The following ELAPOR2 variants were observed in gnomAD, a reference collection of about 807,000 sequenced individuals.
ELAPOR2 encodes endosome-lysosome associated apoptosis and autophagy regulator family member 2.
ELAPOR2 carries 89 observed loss-of-function variants against 120.7 expected under a neutral mutation model. The observed-to-expected ratio is 0.74, with a 90% CI of 0.62 to 0.88. The LOEUF is 0.88. Among genes scored for constraint, ELAPOR2 ranks in the 40% least tolerant of loss-of-function variants. The pLI, the probability that ELAPOR2 is intolerant of heterozygous loss-of-function variation, is 0.00. For missense variants in ELAPOR2, 1,134 were observed against 1,251.6 expected (o/e 0.91, Z 1.42); for synonymous variants, 444 against 444.9 (o/e 1.00, Z 0.03).
intron 1 of ELAPOR2, among the ~76,000 whole-genome samples, chr7:86,990,933 G>A (rs1792923788): frequency 2.6e-5 from 4 of 152,164 alleles, no homozygotes; most frequent in Admixed American, 2.6e-4. Context: ...CACAAAGCTT[G>A]GAAAGCAGGT....
At chr7:87,026,627 C>T (rs969949871) in intron 1 of ELAPOR2, among the ~76,000 whole-genome samples, 5 of 151,738 alleles carry the variant, frequency 3.3e-5, no homozygotes, top group African/African-American at 7.3e-5. Flanking sequence ...TGTATTCTGC[C>T]GTAAGCCTAT....
In ELAPOR2 at chr7:86,897,630, T is replaced by G; in HGVS notation, c.2561A>C (p.Lys854Thr). The G allele has an allele frequency of 6.2e-7, 1 of 1,612,874 alleles. No homozygotes were observed. ...SGAGVISVPSKCPAGTCDGCT... is the reference protein window; with the variant it reads ...SGAGVISVPSTCPAGTCDGCT... ...CCCATCACAGGTACCTGCTGGGCAC[T>G]TGCTAAAATCATAAACAAAACCAAA... Residue 854 changes from lysine to threonine, a missense_variant and splice_region_variant, in exon 19 of 22, where the codon AAG becomes ACG. Around this residue, in one of 3 missense-constraint regions of ELAPOR2, gnomAD observed 831 missense variants for 867.6 expected, o/e 0.96. Coordinates refer to ENST00000450689, the MANE Select transcript of ELAPOR2 (RefSeq NM_001142749.3).
intron 8 of ELAPOR2, among the ~76,000 whole-genome samples, chr7:86,933,111 ATG>A (rs1192428297): frequency 1.1e-4 from 16 of 151,654 alleles, no homozygotes; most frequent in African/African-American, 3.6e-4. Context: ...TATGGCAAAT[ATG>A]TATATAAATA....
In ELAPOR2 at chr7:87,020,844, A is replaced by G. The variant is rs1197212383; in HGVS notation, c.189+38481T>C. On this transcript the variant is annotated intron_variant, in intron 1 of 21. Transcript: ENST00000450689. ...GTCATCACATTCCTCTTTAAAATTT[A>G]CCAAATCATTTCAATCGCTTGAGAC... is the stretch of plus-strand genomic sequence containing the variant. Among the ~76,000 whole-genome samples the G allele has an allele frequency of 2.0e-5, 3 of 152,258 alleles. No individual in the cohort carries two copies. The East Asian group carries it at 5.8e-4, about 29-fold the overall frequency.
intron 10 of ELAPOR2, 96 bp from the exon 11 acceptor site, chr7:86,919,406 G>T: frequency 1.4e-6 from 1 of 689,672 alleles, no homozygotes; most frequent in Non-Finnish European, 2.3e-6. Flanking sequence ...AAGCATTAGT[G>T]TTTCTGTTCA....
intron 1 of ELAPOR2, among the ~76,000 whole-genome samples, chr7:87,031,835 A>T (rs904878229): frequency 7.2e-5 from 11 of 152,288 alleles, no homozygotes; most frequent in African/African-American, 2.4e-4. Context: ...CATATAGTAG[A>T]CTACTACTCA....
intron 9 of ELAPOR2, among the ~76,000 whole-genome samples, chr7:86,926,145 A>T (rs976050108): frequency 6.6e-6 from 1 of 152,004 alleles, no homozygotes; most frequent in Non-Finnish European, 1.5e-5. Context: ...TATGTTGAGA[A>T]TGGTTGGGTG....
At chr7:86,943,742 A>C (rs1313647255) in intron 4 of ELAPOR2, among the ~76,000 whole-genome samples, 1 of 152,040 alleles carries the variant, frequency 6.6e-6, no homozygotes, top group African/African-American at 2.4e-5. Context: ...GTATCCAATG[A>C]AACAGGGAAT....
chr7:86,911,927 G>T, intron 15 of ELAPOR2, 145 bp downstream of exon 15: 1 of 812,300 alleles, frequency 1.2e-6, no homozygotes, highest in Non-Finnish European at 2.0e-6. Context: ...ATTCTAGGCA[G>T]CAATAGAGGA....
intron 1 of ELAPOR2, among the ~76,000 whole-genome samples, chr7:87,038,255 T>G (rs984474142): frequency 6.6e-6 from 1 of 152,202 alleles, no homozygotes; most frequent in African/African-American, 2.4e-5. Flanking sequence ...CAAACATTCT[T>G]TTTGGAAATT....
At chr7:87,036,600 C>A (rs1296192773) in intron 1 of ELAPOR2, among the ~76,000 whole-genome samples, 3 of 152,102 alleles carry the variant, frequency 2.0e-5, no homozygotes, top group Non-Finnish European at 4.4e-5. Context: ...TACTATAGAG[C>A]CATAAAAAAC....
Position 87,058,317 on chromosome 7 carries a change from T to C in ELAPOR2, c.189+1008A>G, listed in dbSNP as rs1241817152. Among the ~76,000 whole-genome samples, 5 of 152,190 alleles carry C rather than the reference T, an allele frequency of 3.3e-5. No homozygotes were observed. The East Asian group carries it at 9.6e-4, about 29-fold the overall frequency. On this transcript the variant is annotated intron_variant, in intron 1 of 21. Coordinates refer to ENST00000450689, the MANE Select transcript of ELAPOR2 (RefSeq NM_001142749.3). The stretch of plus-strand genomic sequence containing the variant: ...CCAGAGGGGCTATTGGCTAACCTAT[T>C]TTTGCTACATTAATTAAAACGACCC...
chr7:86,916,529 C>T (rs1201363859), intron 12 of ELAPOR2, among the ~76,000 whole-genome samples: 1 of 152,082 alleles, frequency 6.6e-6, no homozygotes, highest in Non-Finnish European at 1.5e-5. Flanking sequence ...CATAAAGACG[C>T]CATGTTACAG....
intron 2 of ELAPOR2, among the ~76,000 whole-genome samples, chr7:86,951,747 T>G (rs1455767751): frequency 6.6e-6 from 1 of 152,234 alleles, no homozygotes. Flanking sequence ...ACATCACCTT[T>G]GTCAACCAAT....
At chr7:87,006,063 C>T (rs1376267097) in intron 1 of ELAPOR2, among the ~76,000 whole-genome samples, 2 of 152,128 alleles carry the variant, frequency 1.3e-5, no homozygotes, top group African/African-American at 4.8e-5. Flanking sequence ...AAAGCTTCTA[C>T]AATTCAATTA....
At position 86,913,006 on chromosome 7, in the gene ELAPOR2, A is replaced by C. The variant is rs777441662; in HGVS notation, c.1930T>G (p.Ser644Ala). 2 of 1,613,994 alleles carry C rather than the reference A, an allele frequency of 1.2e-6. No individual in the cohort carries two copies. The highest frequency in any genetic ancestry group is 8.5e-7 in the Non-Finnish European group (1 of 1,179,912). Reference protein sequence around the residue: ...CKECPPDTYLSIHQVYGKEAC... With the variant: ...CKECPPDTYLAIHQVYGKEAC... ...TCTTTGCCATAGACCTGATGTATGG[A>C]CAGGTAGGTGTCAGGTGGACATTCC... The change falls in exon 14 of 22, where the codon TCC becomes GCC. Residue 644 changes from serine (S) to alanine (A), a missense_variant. Ser to Ala is a moderately conservative substitution (Grantham distance 99, BLOSUM62 1). This residue lies in a region of ELAPOR2 where 831 missense variants were observed against 867.6 expected (regional missense o/e 0.96). Coordinates refer to ENST00000450689, the MANE Select transcript of ELAPOR2 (RefSeq NM_001142749.3).
chr7:86,996,629 T>C lies in ELAPOR2; in HGVS notation c.190-31605A>G, dbSNP rs538620149. Among the ~76,000 whole-genome samples, 26 of 152,324 alleles carry C rather than the reference T, an allele frequency of 1.7e-4. No homozygotes were observed. In the South Asian group the frequency reaches 5.4e-3, roughly 32 times the overall value. ...GGAGATAATTTGAAATAACTCTCATTTCTTAAAAGACCACACTGGCTGCTA... is the reference window on the plus strand; with the variant it reads ...GGAGATAATTTGAAATAACTCTCATCTCTTAAAAGACCACACTGGCTGCTA... On this transcript the variant is annotated intron_variant, in intron 1 of 21. Transcript: ENST00000450689.
chr7:86,914,549 C>CA (rs1475664683), intron 13 of ELAPOR2, among the ~76,000 whole-genome samples, 174 bp downstream of exon 13: 1 of 152,078 alleles, frequency 6.6e-6, no homozygotes, highest in Non-Finnish European at 1.5e-5. Flanking sequence ...TTCTTACTCT[C>CA]AAAAAATAAA....
In ELAPOR2 at chr7:86,933,963, T is replaced by TA. The variant is rs1295540715; in HGVS notation, c.1089+4162dup. Reference sequence around the variant, plus strand: ...ATTTGTATATGTGCTTGTGTGCACCTATATAAGTGTACCTCATTTTATGTA... The same window carrying TA: ...ATTTGTATATGTGCTTGTGTGCACCTAATATAAGTGTACCTCATTTTATGTA... On this transcript the variant is annotated intron_variant, in intron 8 of 21. Coordinates refer to ENST00000450689, the MANE Select transcript of ELAPOR2 (RefSeq NM_001142749.3). 7.2e-5 allele frequency among the ~76,000 whole-genome samples: 11 copies of TA among 152,194 alleles called. No individual in the cohort carries two copies. In the East Asian group the frequency reaches 2.1e-3, roughly 29 times the overall value.
Sources: gnomAD v4.1 joint callset for allele counts (sites outside exome capture counted in the v4.1 genomes callset) on GRCh38, gnomAD v4.1.1 for gene constraint, gnomAD v4.1.1 regional missense constraint, MANE v1.5 for transcripts, NCBI Gene and HGNC (gene_info 2026-07-23, HGNC 2026-07-21) for gene names.